Variants in KIF7 observed in about 807,000 individuals in gnomAD.
KIF7 encodes kinesin family member 7.
KIF7 carries 104 observed loss-of-function variants against 135.7 expected under a neutral mutation model. That is an observed-to-expected ratio of 0.77 (90% confidence interval 0.65 to 0.90). KIF7 has a LOEUF of 0.90. KIF7 is among the 40% of genes least tolerant of loss of function. The pLI is 0.00. For synonymous variants in KIF7, 883 were observed against 809.4 expected, an observed-to-expected ratio of 1.09 and a Z score of -1.54; for missense variants, 2,005 against 1,839.1, an observed-to-expected ratio of 1.09 and a Z score of -1.65.
intron 14 of KIF7, among the ~76,000 whole-genome samples, chr15:89,632,396 C>T (rs1963699175): frequency 6.6e-6 from 1 of 152,166 alleles, no homozygotes; most frequent in South Asian, 2.1e-4. Context: ...TTTGGCTATA[C>T]CACCTTCCTA....
intron 16 of KIF7, 22 bp from the exon 17 acceptor site, chr15:89,629,595 C>T (rs1488494543): frequency 6.2e-7 from 1 of 1,602,316 alleles, no homozygotes. Context: ...CCCAGCCAGG[C>T]TCAGCCCTCA....
At position 89,629,906 on chromosome 15, in the gene KIF7, T is replaced by G; in HGVS notation, c.3319-333A>C. ...TCTGGGACCAGATAATTCTTGGTTG[T>G]GGGGGCCTGTCCTGTGTGTTATAGG... On this transcript the variant is annotated intron_variant, in intron 16 of 18. Coordinates refer to ENST00000394412, the MANE Select transcript of KIF7 (RefSeq NM_198525.3). The G allele has an allele frequency of 7.7e-6, 4 of 518,216 alleles. 1 individual carries two copies. The highest frequency in any genetic ancestry group is 6.8e-5 in the South Asian group (3 of 44,198). 32.1% of individuals were successfully genotyped at this position (518,216 alleles called of 1,614,324 possible). A position where few individuals can be genotyped will look rare whatever the true frequency, so the allele number is the denominator to read the frequency against.
chr15:89,626,813 T>C, downstream of KIF7: 1 of 889,956 alleles, frequency 1.1e-6, no homozygotes, highest in Non-Finnish European at 1.7e-6. Flanking sequence ...GTAGGTACCA[T>C]TTCTGTAGGA....
intron 15 of KIF7, 174 bp from the exon 16 acceptor site, chr15:89,630,667 C>G: frequency 4.5e-6 from 3 of 667,034 alleles, no homozygotes; most frequent in Non-Finnish European, 8.1e-6. Context: ...ACAGCCCCAA[C>G]CCCAGGGTGA....
chr15:89,645,931 C>A lies in KIF7; in HGVS notation c.1884G>T (p.Glu628Asp). 1 of 1,613,802 alleles carries A rather than the reference C, an allele frequency of 6.2e-7. No homozygotes were observed. The highest frequency in any genetic ancestry group is 8.5e-7 in the Non-Finnish European group (1 of 1,179,984). ...GSSAASEEEE[E>D]EEEPPRRTLH... ...AGGTCCGCCTGGGCGGCTCCTCCTC[C>A]TCCTCTTCCTCCTCTGAAGCAGCTG... The change falls in exon 8 of 19, where the codon GAG becomes GAT. Residue 628 changes from glutamate (E) to aspartate (D), a missense_variant. Glu to Asp is a conservative substitution (Grantham distance 45). Coordinates refer to ENST00000394412, the MANE Select transcript of KIF7 (RefSeq NM_198525.3).
chr15:89,645,388 C>A lies in KIF7; in HGVS notation c.1986G>T (p.Lys662Asn), dbSNP rs1031213392. The A allele has an allele frequency of 2.5e-6, 4 of 1,614,000 alleles. No homozygotes were observed. The East Asian group carries it at 6.7e-5, about 27-fold the overall frequency. ...ACTCCTCAAGGCAAAGCTCTGGGCC[C>A]TTCCTCTCTGGCAGACTCCCTGGGC... Reference protein sequence around the residue: ...GARPGSLPERKGPELCLEELD... With the variant: ...GARPGSLPERNGPELCLEELD... Residue 662 changes from lysine to asparagine, a missense_variant, in exon 9 of 19, where the codon AAG (lysine) becomes AAT (asparagine). By Grantham distance (94) the Lys-to-Asn change is moderately conservative. Transcript: ENST00000394412.
intron 11 of KIF7, among the ~76,000 whole-genome samples, chr15:89,639,465 T>G (rs1963876710): frequency 8.1e-6 from 1 of 123,876 alleles, no homozygotes. Context: ...AACAACCCCA[T>G]CAAAAAGTGG....
chr15:89,642,761 G>A (rs913515075), intron 10 of KIF7, among the ~76,000 whole-genome samples: 1 of 152,068 alleles, frequency 6.6e-6, no homozygotes, highest in Admixed American at 6.6e-5. Flanking sequence ...TAGAGATTGG[G>A]TTTTGCCATG....
intron 1 of KIF7, among the ~76,000 whole-genome samples, chr15:89,618,387 TG>T (rs1418177160): frequency 6.6e-6 from 1 of 152,236 alleles, no homozygotes; most frequent in African/African-American, 2.4e-5. Context: ...TAGAAGGTAC[TG>T]AGAGAATTCT....
At chr15:89,647,130 AG>A (rs1447869591) in intron 6 of KIF7, 73 bp from the exon 7 acceptor site, 2 of 1,316,122 alleles carry the variant, frequency 1.5e-6, no homozygotes, top group Non-Finnish European at 2.1e-6. Context: ...ACTGAGGAAC[AG>A]GTCTGAGGCC....
chr15:89,631,822 ACT>A, intron 14 of KIF7, 112 bp from the exon 15 acceptor site: 1 of 889,354 alleles, frequency 1.1e-6, no homozygotes, highest in Non-Finnish European at 1.7e-6. Flanking sequence ...AGAAACCAAC[ACT>A]CCAAATGTTC....
chr15:89,628,314 A>G lies in KIF7; in HGVS notation c.*105T>C. Reference sequence around the variant, plus strand: ...AGTGAGGGTACAGATGAGGGCCTGGATTTAGGGTGTGCGGTAAGGACTGCC... The same window carrying G: ...AGTGAGGGTACAGATGAGGGCCTGGGTTTAGGGTGTGCGGTAAGGACTGCC... On this transcript the variant is annotated 3_prime_UTR_variant, in exon 19 of 19. Coordinates refer to ENST00000394412, the MANE Select transcript of KIF7 (RefSeq NM_198525.3). 3 of 1,444,460 alleles carry G rather than the reference A, an allele frequency of 2.1e-6. No homozygotes were observed. The highest frequency in any genetic ancestry group is 1.9e-6 in the Non-Finnish European group (2 of 1,070,816). The allele number at this position is 1,444,460 out of a possible 1,614,324, so 89.5% of individuals were successfully genotyped here.
chr15:89,647,695 C>T lies in KIF7; in HGVS notation c.1461G>A (p.Gln487=). The T allele has an allele frequency of 1.9e-6, 3 of 1,583,484 alleles. No individual in the cohort carries two copies. The highest frequency in any genetic ancestry group is 2.6e-6 in the Non-Finnish European group (3 of 1,166,920). ...CCTGGTTCTGCAGGGTCAGCAGCTG[C>T]TGCGCCCCCTCATCCTCCTATAGGG... is the stretch of plus-strand genomic sequence containing the variant. ...AGGRKEDEGA[Q]QLLTLQNQVA... The change falls in exon 6 of 19, where the codon CAG becomes CAA. Residue 487 remains glutamine, a synonymous_variant. Coordinates refer to ENST00000394412, the MANE Select transcript of KIF7 (RefSeq NM_198525.3).
At chr15:89,657,542 C>T (rs1964220924), upstream of KIF7, among the ~76,000 whole-genome samples, 1 of 152,244 alleles carries the variant, frequency 6.6e-6, no homozygotes, top group African/African-American at 2.4e-5. Context: ...ATGCAACAAT[C>T]TGGTGTGTAC....
At chr15:89,622,438 A>G (rs1169905827) in intron 1 of KIF7, among the ~76,000 whole-genome samples, 1 of 152,130 alleles carries the variant, frequency 6.6e-6, no homozygotes, top group African/African-American at 2.4e-5. Context: ...CATTCCTCTC[A>G]GTTTGCTTAA....
chr15:89,632,916 C>G lies in KIF7; in HGVS notation c.2799G>C (p.Gly933=). The G allele has an allele frequency of 1.9e-6, 3 of 1,610,912 alleles. No homozygotes were observed. The highest frequency in any genetic ancestry group is 2.5e-6 in the Non-Finnish European group (3 of 1,179,838). ...TGGCCTCCCGCTTGTGGAGCTCCTC[C>G]CCCAGCTCCTCCAGCGCCCGCCGCT... The part of the protein sequence containing the change: ...LQQRRALEEL[G]EELHKREAIL... The change falls in exon 14 of 19, where the codon GGG becomes GGC. Residue 933 remains glycine, a synonymous_variant. Transcript: ENST00000394412.
chr15:89,624,724 C>T (rs1466189363), downstream of KIF7: 2 of 1,614,084 alleles, frequency 1.2e-6, no homozygotes, highest in African/African-American at 1.3e-5. Flanking sequence ...TGAAGCCGAA[C>T]ACCATGGCAT....
intron 1 of KIF7, chr15:89,621,350 A>T: frequency 6.4e-7 from 1 of 1,573,652 alleles, no homozygotes; most frequent in Non-Finnish European, 8.6e-7. Context: ...GAAGAACAGG[A>T]ATTGAGAAAG....
rs200782729 is a variant in KIF7 at position 89,629,055 on chromosome 15, C to G, written c.3585G>C (p.Lys1195Asn). Residue 1195 changes from lysine (K) to asparagine (N), a missense_variant, in exon 18 of 19, where the codon AAG (lysine) becomes AAC (asparagine). Physicochemically the swap from Lys to Asn is moderately conservative, Grantham distance 94. Coordinates refer to ENST00000394412, the MANE Select transcript of KIF7 (RefSeq NM_198525.3). ...TTATCCACATGTAACGGCCCAGTTC[C>G]TTCTCCAGAGCTTGAATCCGGGCCT... ...QYEARIQALE[K>N]ELGRYMWINQ... 344 of 1,613,402 alleles carry G rather than the reference C, an allele frequency of 2.1e-4. 1 individual carries two copies. The highest frequency in any genetic ancestry group is 2.8e-4 in the Non-Finnish European group (325 of 1,179,956).
Sources: gnomAD v4.1 joint callset for allele counts (sites outside exome capture counted in the v4.1 genomes callset) on GRCh38, gnomAD v4.1.1 for gene constraint, MANE v1.5 for transcripts, NCBI Gene and HGNC (gene_info 2026-07-23, HGNC 2026-07-21) for gene names.